Variants in LEF1 observed in about 807,000 individuals in gnomAD.
The protein encoded by LEF1 is lymphoid enhancer binding factor 1.
In LEF1, 14 loss-of-function variants were observed where a neutral mutation model predicts 51.2. That is an observed-to-expected ratio of 0.27 (90% CI 0.18 to 0.43). LEF1 has a LOEUF of 0.43. Among genes scored for constraint, LEF1 ranks in the 20% least tolerant of loss-of-function variants. LEF1 has a pLI of 1.00. For synonymous variants in LEF1, 185 were observed against 183.2 expected (o/e 1.01, Z -0.08); for missense variants, 386 against 512.0 (o/e 0.75, Z 2.37).
intron 3 of LEF1, among the ~76,000 whole-genome samples, chr4:108,134,641 G>T (rs751282576): frequency 6.6e-6 from 1 of 152,190 alleles, no homozygotes; most frequent in Admixed American, 6.5e-5. Flanking sequence ...AAAAGAGCAC[G>T]TATTGCCCAT....
intron 11 of LEF1, among the ~76,000 whole-genome samples, chr4:108,053,102 T>G (rs1737108205): frequency 6.6e-6 from 1 of 152,122 alleles, no homozygotes; most frequent in Non-Finnish European, 1.5e-5. Context: ...TGTCTGTCCA[T>G]CCCCAGGCAA....
chr4:108,070,835 T>A (rs1738432409), intron 8 of LEF1, 65 bp from the exon 9 acceptor site: 2 of 1,083,740 alleles, frequency 1.8e-6, no homozygotes, highest in Admixed American at 2.1e-5. Flanking sequence ...TATTTTATGT[T>A]TCAAAAATCA....
rs1342776666 is a variant in LEF1, at chr4:108,080,473, TGAAAG to T, written c.723-864_723-860del. Among the ~76,000 whole-genome samples, 3 of 152,316 alleles carry T rather than the reference TGAAAG, an allele frequency of 2.0e-5. No homozygotes were observed. In the East Asian group the frequency reaches 5.8e-4, roughly 29 times the overall value. Reference sequence around the variant, plus strand: ...GCCTACACAATTAATTTCCTTTTCTTGAAAGGAACTCTGCTAGGATATATATTTTT... The same window carrying T: ...GCCTACACAATTAATTTCCTTTTCTTGAACTCTGCTAGGATATATATTTTT... On this transcript the variant is annotated intron_variant, in intron 6 of 11. Coordinates refer to ENST00000265165, the MANE Select transcript of LEF1 (RefSeq NM_016269.5).
chr4:108,110,701 T>G (rs1741477680), intron 3 of LEF1, among the ~76,000 whole-genome samples: 1 of 152,154 alleles, frequency 6.6e-6, no homozygotes, highest in Non-Finnish European at 1.5e-5. Flanking sequence ...CCTGCTCCCT[T>G]CCATCATCCT....
intron 3 of LEF1, among the ~76,000 whole-genome samples, chr4:108,129,627 C>G (rs1742743629): frequency 6.6e-6 from 1 of 152,148 alleles, no homozygotes. Flanking sequence ...GAACAAAAAC[C>G]TTGCCAGCAT....
chr4:108,101,977 T>C (rs1198042733), intron 3 of LEF1, among the ~76,000 whole-genome samples: 1 of 151,622 alleles, frequency 6.6e-6, no homozygotes, highest in East Asian at 1.9e-4. Flanking sequence ...GGAGAATCAC[T>C]TGAACCCATG....
At chr4:108,133,207 C>G (rs1256892615) in intron 3 of LEF1, among the ~76,000 whole-genome samples, 1 of 152,094 alleles carries the variant, frequency 6.6e-6, no homozygotes, top group Non-Finnish European at 1.5e-5. Flanking sequence ...CTCATGACCT[C>G]GTGATCCGCC....
chr4:108,056,987 G>A (rs530288729), intron 11 of LEF1, among the ~76,000 whole-genome samples: 1 of 151,664 alleles, frequency 6.6e-6, no homozygotes, highest in East Asian at 2.0e-4. Flanking sequence ...AGGAGGTGCC[G>A]ACCTGTGGCC....
chr4:108,095,130 C>T (rs181568603), intron 3 of LEF1, among the ~76,000 whole-genome samples: 2 of 152,188 alleles, frequency 1.3e-5, no homozygotes, highest in African/African-American at 2.4e-5. Context: ...CAGATAAGAA[C>T]GAGGCCCCAG....
At position 108,138,395 on chromosome 4, in the gene LEF1, T is replaced by C. The variant is rs369799108; in HGVS notation, c.414+25173A>G. On this transcript the variant is annotated intron_variant, in intron 3 of 11. Coordinates refer to ENST00000265165, the MANE Select transcript of LEF1 (RefSeq NM_016269.5). Reference sequence around the variant, plus strand: ...ACTCCCATTATACAGATAAGGAAAGTGAGCATTATAATGCTTTAGGAACTT... The same window carrying C: ...ACTCCCATTATACAGATAAGGAAAGCGAGCATTATAATGCTTTAGGAACTT... Among the ~76,000 whole-genome samples the C allele has an allele frequency of 4.6e-5, 7 of 152,148 alleles. No homozygotes were observed. The East Asian group carries it at 1.4e-3, about 29-fold the overall frequency.
At chr4:108,048,822 CATACCATATA>C in intron 11 of LEF1, 71 bp from the exon 12 acceptor site, 1 of 1,053,932 alleles carries the variant, frequency 9.5e-7, no homozygotes, top group African/African-American at 1.6e-5. Flanking sequence ...ACCTCTATTC[CATACCATATA>C]TGTCTTACAA....
intron 3 of LEF1, among the ~76,000 whole-genome samples, chr4:108,133,524 T>C (rs1158507326): frequency 6.6e-6 from 1 of 152,148 alleles, no homozygotes; most frequent in Non-Finnish European, 1.5e-5. Context: ...TTGGAGCTCA[T>C]CCACCTAGGA....
intron 3 of LEF1, among the ~76,000 whole-genome samples, chr4:108,123,254 C>T (rs1218158428): frequency 6.6e-6 from 1 of 152,112 alleles, no homozygotes; most frequent in Non-Finnish European, 1.5e-5. Flanking sequence ...AGACTGCAAA[C>T]CTGCATGAAA....
intron 3 of LEF1, among the ~76,000 whole-genome samples, chr4:108,157,306 T>G (rs1744796804): frequency 2.0e-5 from 3 of 151,748 alleles, no homozygotes; most frequent in Non-Finnish European, 4.4e-5. Context: ...GTTCAAGAGA[T>G]TCTCCTGCCT....
At chr4:108,158,439 C>T (rs182196863) in intron 3 of LEF1, among the ~76,000 whole-genome samples, 257 of 151,892 alleles carry the variant, frequency 1.7e-3, no homozygotes, top group African/African-American at 5.8e-3. Context: ...AGAGAGAGCG[C>T]GCAACCTTTA....
rs10672899 is a variant in LEF1 at position 108,154,443 on chromosome 4, CAAAAAAA to C, written c.414+9118_414+9124del. On this transcript the variant is annotated intron_variant, in intron 3 of 11. Transcript: ENST00000265165. ...CACAGTATGTAGCACAAGGTAGTAGCAAAAAAAAAAAAAAAAAAAAAAATCAGTTGCT... is the reference window on the plus strand; with the variant it reads ...CACAGTATGTAGCACAAGGTAGTAGCAAAAAAAAAAAAAAAATCAGTTGCT... Among the ~76,000 whole-genome samples the C allele has an allele frequency of 1.9e-4, 14 of 71,984 alleles. No homozygotes were observed. In the South Asian group the frequency reaches 4.1e-3, roughly 21 times the overall value. 47.2% of individuals were successfully genotyped at this position (71,984 alleles called of 152,430 possible).
intron 3 of LEF1, among the ~76,000 whole-genome samples, chr4:108,092,887 A>G (rs976459964): frequency 4.1e-5 from 5 of 123,312 alleles, no homozygotes; most frequent in Admixed American, 9.7e-5. Context: ...GTCAGGCAGC[A>G]GGGGGTGGGT....
At chr4:108,086,979 T>C (rs1739694717) in intron 4 of LEF1, among the ~76,000 whole-genome samples, 1 of 152,218 alleles carries the variant, frequency 6.6e-6, no homozygotes, top group Non-Finnish European at 1.5e-5. Context: ...GTGAATATGA[T>C]GATCTTCGGT....
chr4:108,146,168 A>C (rs544807683), intron 3 of LEF1, among the ~76,000 whole-genome samples: 2 of 152,370 alleles, frequency 1.3e-5, no homozygotes, highest in South Asian at 4.1e-4. Flanking sequence ...TGTGTTGCTT[A>C]GTCTTTGTCC....
Sources: allele counts gnomAD v4.1 joint callset (sites outside exome capture counted in the v4.1 genomes callset), GRCh38; gene constraint gnomAD v4.1.1; transcripts MANE v1.5; gene names NCBI Gene and HGNC (gene_info 2026-07-23, HGNC 2026-07-21).